Variants in PALS2 observed in about 807,000 individuals in gnomAD.
PALS2 encodes the protein protein PALS2.
A neutral mutation model predicts 61.6 loss-of-function variants in PALS2; 27 were observed. The ratio of observed to expected loss-of-function variants is 0.44; its 90% CI spans 0.32 to 0.60. PALS2 has a LOEUF of 0.60. PALS2 is among the 20% of genes least tolerant of loss of function. The probability of loss-of-function intolerance (pLI) is 0.05; values close to 1 mark genes in which losing one functional copy is unlikely to be tolerated. For synonymous variants in PALS2, 236 were observed against 218.6 expected (o/e 1.08, Z -0.70); for missense variants, 554 against 639.4 (o/e 0.87, Z 1.44).
At chr7:24,593,758 A>G (rs1373507032) in intron 1 of PALS2, among the ~76,000 whole-genome samples, 5 of 152,070 alleles carry the variant, frequency 3.3e-5, no homozygotes. Context: ...CTTGTTGTAA[A>G]CCGAAGTGCT....
intron 5 of PALS2, among the ~76,000 whole-genome samples, chr7:24,657,903 T>C (rs1445825426): frequency 6.6e-6 from 1 of 152,146 alleles, no homozygotes; most frequent in Admixed American, 6.5e-5. Context: ...AGGATCAGAG[T>C]TTATATTTTG....
chr7:24,621,465 G>A (rs998895978), intron 1 of PALS2, among the ~76,000 whole-genome samples: 1 of 151,998 alleles, frequency 6.6e-6, no homozygotes, highest in East Asian at 1.9e-4. Context: ...TATTGATTTT[G>A]TTTTTAAAAA....
Position 24,655,154 on chromosome 7 carries a change from A to C in PALS2, c.651+4442A>C, listed in dbSNP as rs150574057. On this transcript the variant is annotated intron_variant, in intron 5 of 11. Transcript: ENST00000222644. ...GGTGGCAGTGTGTATTGGTATAAAC[A>C]CATTGGGGAGAAAAGTTTAATGTCT... is the stretch of plus-strand genomic sequence containing the variant. 1.1e-3 allele frequency among the ~76,000 whole-genome samples: 160 copies of C among 152,358 alleles called. 1 individual carries two copies. The highest frequency in any genetic ancestry group is 3.5e-3 in the African/African-American group (147 of 41,584).
At chr7:24,668,039 G>T (rs1166902318) in intron 8 of PALS2, among the ~76,000 whole-genome samples, 1 of 151,874 alleles carries the variant, frequency 6.6e-6, no homozygotes, top group African/African-American at 2.4e-5. Flanking sequence ...ATTTACTGGG[G>T]CAGGCACAGT....
At chr7:24,605,400 A>G (rs17207104) in intron 1 of PALS2, among the ~76,000 whole-genome samples, 3,769 of 152,288 alleles carry the variant, frequency 0.025, 67 homozygotes, top group Non-Finnish European at 0.036. Flanking sequence ...CATATGTACT[A>G]ATGTGAAATG....
chr7:24,586,963 TC>T (rs1420384453), intron 1 of PALS2, among the ~76,000 whole-genome samples: 3 of 149,404 alleles, frequency 2.0e-5, no homozygotes, highest in Admixed American at 6.8e-5. Flanking sequence ...GTTTGGAAAT[TC>T]CCCGCCCGCC....
intron 1 of PALS2, among the ~76,000 whole-genome samples, chr7:24,608,209 GGTTT>G (rs1315224651): frequency 6.6e-6 from 1 of 151,960 alleles, no homozygotes; most frequent in African/African-American, 2.4e-5. Flanking sequence ...ATGTCATGCA[GGTTT>G]GATTATTGTT....
chr7:24,600,164 A>T (rs1783667820), intron 1 of PALS2, among the ~76,000 whole-genome samples: 1 of 152,126 alleles, frequency 6.6e-6, no homozygotes, highest in Admixed American at 6.5e-5. Context: ...TAGTAATGAA[A>T]ACCTTTCATT....
chr7:24,662,894 C>T (rs2529083), intron 5 of PALS2, among the ~76,000 whole-genome samples: 96,137 of 151,646 alleles, frequency 0.63, 33,026 homozygotes, highest in East Asian at 0.99. Flanking sequence ...AGCAAAATAG[C>T]CCAAATTTCG....
intron 1 of PALS2, among the ~76,000 whole-genome samples, chr7:24,589,705 T>C (rs2128042866): frequency 6.6e-6 from 1 of 152,276 alleles, no homozygotes; most frequent in Middle Eastern, 3.4e-3. Context: ...CAATTTATTT[T>C]TAATTAAGCT....
chr7:24,639,521 T>C (rs1346628030), intron 2 of PALS2, among the ~76,000 whole-genome samples: 3 of 152,218 alleles, frequency 2.0e-5, no homozygotes, highest in African/African-American at 7.2e-5. Flanking sequence ...CTTTGAAGCT[T>C]TCTTTTTATA....
intron 5 of PALS2, among the ~76,000 whole-genome samples, chr7:24,661,817 A>G (rs1786735428): frequency 1.3e-5 from 2 of 152,186 alleles, no homozygotes; most frequent in Non-Finnish European, 2.9e-5. Context: ...GGCTTTATTT[A>G]TGCAATTACA....
chr7:24,583,420 A>T lies in PALS2; in HGVS notation c.-3+9827A>T, dbSNP rs138529807. ...GTGAAGGAATTTAATGATCTTTATA[A>T]AGTTTTACTATTCACCCAATTAAAA... On this transcript the variant is annotated intron_variant, in intron 1 of 11. Transcript: ENST00000222644. Among the ~76,000 whole-genome samples, 7 of 152,204 alleles carry T rather than the reference A, an allele frequency of 4.6e-5. No homozygotes were observed. The South Asian group carries it at 1.2e-3, about 27-fold the overall frequency.
chr7:24,665,762 C>A, intron 7 of PALS2, 75 bp downstream of exon 7: 2 of 1,306,226 alleles, frequency 1.5e-6, no homozygotes, highest in Non-Finnish European at 2.2e-6. Flanking sequence ...TCTAAATAAG[C>A]AAATGCATTT....
chr7:24,667,326 T>A (rs1408608734), intron 8 of PALS2, among the ~76,000 whole-genome samples: 1 of 152,206 alleles, frequency 6.6e-6, no homozygotes, highest in Non-Finnish European at 1.5e-5. Context: ...TTATTTTATA[T>A]GTAAATTTCA....
intron 1 of PALS2, among the ~76,000 whole-genome samples, chr7:24,615,447 A>G (rs914481023): frequency 1.3e-5 from 2 of 152,014 alleles, no homozygotes; most frequent in African/African-American, 2.4e-5. Context: ...ATTGAAGACT[A>G]TTAGGAACAA....
At chr7:24,574,042 C>T (rs146700949) in intron 1 of PALS2, 4,247 of 152,196 alleles carry the variant, frequency 0.028, 86 homozygotes, top group Non-Finnish European at 0.041. Context: ...GAATGGAGAG[C>T]CGGCCTGGGG....
chr7:24,592,110 AT>A (rs1783310991), intron 1 of PALS2, among the ~76,000 whole-genome samples: 1 of 152,082 alleles, frequency 6.6e-6, no homozygotes, highest in African/African-American at 2.4e-5. Context: ...GGTGACTCAA[AT>A]TTTTCACCAC....
At chr7:24,575,601 T>A (rs2128037096) in intron 1 of PALS2, among the ~76,000 whole-genome samples, 1 of 152,358 alleles carries the variant, frequency 6.6e-6, no homozygotes, top group African/African-American at 2.4e-5. Context: ...GAATATTTAC[T>A]ATCCCTTTAC....
Sources: gnomAD v4.1 joint callset for allele counts (sites outside exome capture counted in the v4.1 genomes callset) on GRCh38, gnomAD v4.1.1 for gene constraint, MANE v1.5 for transcripts, NCBI Gene and HGNC (gene_info 2026-07-23, HGNC 2026-07-21) for gene names.